GRXCR1: variants seen among roughly 807,000 people sequenced by gnomAD.
The protein encoded by GRXCR1 is glutaredoxin and cysteine rich domain containing 1.
In GRXCR1, 27 loss-of-function variants were observed where a neutral mutation model predicts 27.3. That is an observed-to-expected ratio of 0.99 (90% CI 0.73 to 1.37). The LOEUF (loss-of-function observed/expected upper bound fraction) is 1.37. Among genes scored for constraint, GRXCR1 ranks in the 40% most tolerant of loss-of-function variants. The pLI, the probability that GRXCR1 is intolerant of heterozygous loss-of-function variation, is 0.00. For synonymous variants in GRXCR1, 122 were observed against 131.1 expected, an observed-to-expected ratio of 0.93 and a Z score of 0.47; for missense variants, 379 against 354.4, an observed-to-expected ratio of 1.07 and a Z score of -0.56.
intron 1 of GRXCR1, among the ~76,000 whole-genome samples, chr4:42,961,520 T>G (rs994705): frequency 0.84 from 126,927 of 151,952 alleles, 53,352 homozygotes; most frequent in East Asian, 0.99. Context: ...AATTGCCTAA[T>G]CTGTGTAACA....
At chr4:43,011,620 A>C (rs2109802813) in intron 2 of GRXCR1, among the ~76,000 whole-genome samples, 1 of 152,232 alleles carries the variant, frequency 6.6e-6, no homozygotes, top group African/African-American at 2.4e-5. Context: ...ATTTTTAATA[A>C]AATTCTTTGG....
intron 1 of GRXCR1, among the ~76,000 whole-genome samples, chr4:42,912,714 G>A (rs1452547788): frequency 6.6e-6 from 1 of 152,164 alleles, no homozygotes; most frequent in Non-Finnish European, 1.5e-5. Context: ...GGAAACTAAA[G>A]TGCTGATCCT....
At chr4:43,029,851 A>T (rs111505924) in intron 3 of GRXCR1, among the ~76,000 whole-genome samples, 4,558 of 152,292 alleles carry the variant, frequency 0.03, 69 homozygotes, top group African/African-American at 0.035. Flanking sequence ...GCTTTGAAAA[A>T]AGAAGTATTA....
At chr4:42,978,634 G>A (rs187733562) in intron 2 of GRXCR1, among the ~76,000 whole-genome samples, 18 of 151,952 alleles carry the variant, frequency 1.2e-4, no homozygotes, top group Middle Eastern at 3.4e-3. Flanking sequence ...ACTAATTTTT[G>A]TATGTTGATT....
intron 1 of GRXCR1, among the ~76,000 whole-genome samples, chr4:42,896,739 C>T (rs1746354355): frequency 6.6e-6 from 1 of 151,884 alleles, no homozygotes; most frequent in Admixed American, 6.6e-5. Flanking sequence ...CATCCAGTTC[C>T]CAAGGGTAAA....
chr4:42,963,105 G>A lies in GRXCR1; in HGVS notation c.598G>A (p.Val200Ile), dbSNP rs750209285. ...RRVSEAPSLPVVFIDGHYLGG... is the reference protein window; with the variant it reads ...RRVSEAPSLPIVFIDGHYLGG... Reference sequence around the variant, plus strand: ...AGTTTCTGAAGCTCCTTCCCTCCCTGTTGTGTTCATTGATGGCCATTACCT... The same window carrying A: ...AGTTTCTGAAGCTCCTTCCCTCCCTATTGTGTTCATTGATGGCCATTACCT... Residue 200 changes from valine (V) to isoleucine (I), a missense_variant, in exon 2 of 4, where the codon GTT becomes ATT. Transcript: ENST00000399770. 6.2e-7 allele frequency: 1 copy of A among 1,612,622 alleles called. No individual in the cohort carries two copies.
intron 1 of GRXCR1, among the ~76,000 whole-genome samples, chr4:42,917,646 C>T (rs1004341155): frequency 6.6e-6 from 1 of 151,972 alleles, no homozygotes; most frequent in Non-Finnish European, 1.5e-5. Context: ...TTTTAGAGTT[C>T]CTGAGATAAG....
intron 1 of GRXCR1, among the ~76,000 whole-genome samples, chr4:42,955,916 G>A (rs1350927656): frequency 6.6e-6 from 1 of 152,050 alleles, no homozygotes; most frequent in Non-Finnish European, 1.5e-5. Context: ...AGCCTGCTCC[G>A]TGCTGATCTT....
At chr4:43,004,926 A>G (rs528363160) in intron 2 of GRXCR1, among the ~76,000 whole-genome samples, 1 of 152,256 alleles carries the variant, frequency 6.6e-6, no homozygotes, top group African/African-American at 2.4e-5. Context: ...TTGAAATGTG[A>G]GAAGGACATG....
intron 2 of GRXCR1, among the ~76,000 whole-genome samples, chr4:42,966,573 A>G (rs941083778): frequency 5.3e-5 from 8 of 152,238 alleles, no homozygotes; most frequent in African/African-American, 1.7e-4. Context: ...TTTCTAAGGA[A>G]CACTCACAAA....
chr4:42,956,105 T>C, intron 1 of GRXCR1, among the ~76,000 whole-genome samples: 1 of 152,096 alleles, frequency 6.6e-6, no homozygotes, highest in South Asian at 2.1e-4. Flanking sequence ...GGTAACTCCT[T>C]AGTCTGATTT....
chr4:42,956,909 C>T (rs1056690725), intron 1 of GRXCR1, among the ~76,000 whole-genome samples: 2 of 152,032 alleles, frequency 1.3e-5, no homozygotes, highest in Non-Finnish European at 2.9e-5. Flanking sequence ...AGGGGTTTCT[C>T]GTTGCTGTAG....
intron 2 of GRXCR1, among the ~76,000 whole-genome samples, chr4:42,981,324 A>G (rs1207960461): frequency 6.6e-6 from 1 of 151,844 alleles, no homozygotes; most frequent in Non-Finnish European, 1.5e-5. Context: ...AACCTCTCCA[A>G]TTTTACTCCA....
intron 2 of GRXCR1, among the ~76,000 whole-genome samples, chr4:42,980,415 T>C (rs1226934807): frequency 6.6e-6 from 1 of 152,042 alleles, no homozygotes; most frequent in East Asian, 1.9e-4. Context: ...TTTTCAGGAA[T>C]AATTTTTTAA....
chr4:42,947,371 G>A (rs142592389), intron 1 of GRXCR1, among the ~76,000 whole-genome samples: 1 of 152,234 alleles, frequency 6.6e-6, no homozygotes, highest in Non-Finnish European at 1.5e-5. Flanking sequence ...ATGATTTTGT[G>A]ACCTTAAGCA....
At chr4:42,937,866 A>C (rs1747496250) in intron 1 of GRXCR1, among the ~76,000 whole-genome samples, 1 of 151,990 alleles carries the variant, frequency 6.6e-6, no homozygotes, top group African/African-American at 2.4e-5. Flanking sequence ...TAATAATCAC[A>C]TCAATGTACA....
At position 42,937,528 on chromosome 4, in the gene GRXCR1, C is replaced by T. The variant is rs139583278; in HGVS notation, c.385-25364C>T. 6.1e-4 allele frequency among the ~76,000 whole-genome samples: 92 copies of T among 152,006 alleles called. 1 individual carries two copies. The highest frequency in any genetic ancestry group is 2.2e-3 in the African/African-American group (90 of 41,514). ...AGGAAATATATGTGGGTATGCTATCCTGTGTATTTCCACATCTATAAATAT... is the reference window on the plus strand; with the variant it reads ...AGGAAATATATGTGGGTATGCTATCTTGTGTATTTCCACATCTATAAATAT... On this transcript the variant is annotated intron_variant, in intron 1 of 3. Coordinates refer to ENST00000399770, the MANE Select transcript of GRXCR1 (RefSeq NM_001080476.3).
At chr4:42,930,650 C>T (rs1249352380) in intron 1 of GRXCR1, among the ~76,000 whole-genome samples, 1 of 151,922 alleles carries the variant, frequency 6.6e-6, no homozygotes, top group Non-Finnish European at 1.5e-5. Flanking sequence ...ATAATGTAGT[C>T]ATCAAGGTCT....
At chr4:42,907,854 A>G (rs1241218766) in intron 1 of GRXCR1, among the ~76,000 whole-genome samples, 2 of 152,188 alleles carry the variant, frequency 1.3e-5, no homozygotes, top group African/African-American at 4.8e-5. Flanking sequence ...TGGACTCTGA[A>G]TGCCTAACAT....
Sources: allele counts gnomAD v4.1 joint callset (sites outside exome capture counted in the v4.1 genomes callset), GRCh38; gene constraint gnomAD v4.1.1; transcripts MANE v1.5; gene names NCBI Gene and HGNC (gene_info 2026-07-23, HGNC 2026-07-21).